RNF150: variants seen among roughly 807,000 people sequenced by gnomAD.
RNF150 encodes the protein ring finger protein 150.
Under a neutral mutation model 39.3 loss-of-function variants are expected in RNF150, and 24 were observed. The ratio of observed to expected loss-of-function variants is 0.61; its 90% CI spans 0.44 to 0.86. The LOEUF (loss-of-function observed/expected upper bound fraction) is 0.86, where lower values mean the gene tolerates loss of function less well. RNF150 is among the 40% of genes least tolerant of loss of function. The probability of loss-of-function intolerance (pLI) is 0.00; values close to 1 mark genes in which losing one functional copy is unlikely to be tolerated. For synonymous variants in RNF150, 255 were observed against 227.3 expected (o/e 1.12, Z -1.10); for missense variants, 502 against 587.8 (o/e 0.85, Z 1.51).
At chr4:140,918,474 G>C (rs1214151811) in intron 5 of RNF150, among the ~76,000 whole-genome samples, 2 of 152,052 alleles carry the variant, frequency 1.3e-5, no homozygotes, top group Admixed American at 1.3e-4. Flanking sequence ...CCCTCCTAAG[G>C]ACTAAACCAG....
chr4:140,930,736 T>C (rs1731595123), intron 4 of RNF150, among the ~76,000 whole-genome samples: 1 of 152,212 alleles, frequency 6.6e-6, no homozygotes, highest in Non-Finnish European at 1.5e-5. Flanking sequence ...TCTTTTCTTG[T>C]TCTCTTCATC....
chr4:140,962,783 A>G (rs1445876530), intron 2 of RNF150, among the ~76,000 whole-genome samples: 1 of 152,026 alleles, frequency 6.6e-6, no homozygotes, highest in Non-Finnish European at 1.5e-5. Flanking sequence ...ACCGTAAGAG[A>G]AAGGTACATT....
chr4:141,015,946 T>G (rs6823670), intron 1 of RNF150, among the ~76,000 whole-genome samples: 30,457 of 151,486 alleles, frequency 0.2, 3,201 homozygotes, highest in Middle Eastern at 0.26. Context: ...GGGGGTGGGG[T>G]GTGTGAAACC....
chr4:141,133,297 C>T lies in RNF150; in HGVS notation c.-489G>A, dbSNP rs1726958179. 6.0e-6 allele frequency: 1 copy of T among 165,482 alleles called. No individual in the cohort carries two copies. The highest frequency in any genetic ancestry group is 1.7e-4 in the South Asian group (1 of 5,896). 10.3% of individuals were successfully genotyped at this position (165,482 alleles called of 1,614,324 possible). On this transcript the variant is annotated 5_prime_UTR_variant, in exon 1 of 7. Coordinates refer to ENST00000515673, the MANE Select transcript of RNF150 (RefSeq NM_020724.2). ...CCACTGAGCGCTGGGGCGCGCGAATCCAGCTGCAGCCGCTGCTGCCCTGCG... is the reference window on the plus strand; with the variant it reads ...CCACTGAGCGCTGGGGCGCGCGAATTCAGCTGCAGCCGCTGCTGCCCTGCG...
intron 1 of RNF150, among the ~76,000 whole-genome samples, chr4:141,113,921 T>TGACC (rs1560745669): frequency 6.6e-6 from 1 of 151,794 alleles, no homozygotes; most frequent in East Asian, 1.9e-4. Context: ...GAATGACTAC[T>TGACC]GGGTAAATAG....
intron 1 of RNF150, among the ~76,000 whole-genome samples, chr4:141,104,782 A>G (rs113299460): frequency 2.2e-4 from 33 of 152,366 alleles, no homozygotes; most frequent in African/African-American, 7.7e-4. Flanking sequence ...AAGATTCTAA[A>G]GTACACCAGT....
At chr4:141,076,687 C>G (rs1161000800) in intron 1 of RNF150, among the ~76,000 whole-genome samples, 1 of 151,898 alleles carries the variant, frequency 6.6e-6, no homozygotes, top group Non-Finnish European at 1.5e-5. Flanking sequence ...AAAATTCTAT[C>G]AAACTGACAT....
intron 2 of RNF150, among the ~76,000 whole-genome samples, chr4:140,952,341 A>T (rs1732573818): frequency 6.6e-6 from 1 of 152,224 alleles, no homozygotes; most frequent in African/African-American, 2.4e-5. Context: ...AAAGCAGGTG[A>T]ACTAGAAATA....
chr4:140,979,047 C>A (rs1733765775), intron 1 of RNF150, among the ~76,000 whole-genome samples: 1 of 151,976 alleles, frequency 6.6e-6, no homozygotes, highest in African/African-American at 2.4e-5. Flanking sequence ...CTTCCAGGAC[C>A]CCCACATATA....
intron 1 of RNF150, among the ~76,000 whole-genome samples, chr4:141,058,833 A>G (rs1357262644): frequency 6.6e-6 from 1 of 152,266 alleles, no homozygotes; most frequent in Non-Finnish European, 1.5e-5. Context: ...CGACTAGATA[A>G]AGTGTCTGGA....
intron 1 of RNF150, among the ~76,000 whole-genome samples, chr4:141,006,048 G>C (rs61327672): frequency 2.4e-5 from 3 of 123,634 alleles, no homozygotes; most frequent in Non-Finnish European, 5.3e-5. Context: ...CAGCCTGGGC[G>C]ACAGAGCGAG....
chr4:140,990,547 T>A (rs1381034862), intron 1 of RNF150, among the ~76,000 whole-genome samples: 1 of 152,210 alleles, frequency 6.6e-6, no homozygotes, highest in Non-Finnish European at 1.5e-5. Flanking sequence ...CTGTGTCTTC[T>A]CATTGTTCAG....
chr4:141,149,649 T>A (rs942003459), intron 1 of RNF150, among the ~76,000 whole-genome samples: 3 of 152,234 alleles, frequency 2.0e-5, no homozygotes, highest in African/African-American at 7.2e-5. Flanking sequence ...TGATGGGCAT[T>A]TGGGCTCATT....
chr4:141,040,119 G>A (rs1368534643), intron 1 of RNF150, among the ~76,000 whole-genome samples: 1 of 151,668 alleles, frequency 6.6e-6, no homozygotes, highest in Non-Finnish European at 1.5e-5. Flanking sequence ...GATCTCTCTC[G>A]ATTTCTATCC....
rs2111141687 is a variant in RNF150 at position 141,151,498 on chromosome 4, G to T, written c.-6+61296C>A. 3.3e-5 allele frequency among the ~76,000 whole-genome samples: 5 copies of T among 149,972 alleles called. No individual in the cohort carries two copies. The South Asian group carries it at 1.1e-3, about 32-fold the overall frequency. On this transcript the variant is annotated intron_variant, in intron 1 of 7. Coordinates refer to the RNF150 transcript ENST00000420921. ...CAAATTTAAGTCAATACTGAGAACT[G>T]TAGGAATGTTTTTCTTTAAAATGGT... is the stretch of plus-strand genomic sequence containing the variant.
intron 1 of RNF150, among the ~76,000 whole-genome samples, chr4:141,027,765 G>T (rs1289198825): frequency 1.3e-5 from 2 of 152,130 alleles, no homozygotes; most frequent in African/African-American, 4.8e-5. Context: ...TGACTGAATG[G>T]TGCAGAGTAG....
chr4:141,005,229 G>C (rs771675619), intron 1 of RNF150, among the ~76,000 whole-genome samples: 1 of 152,126 alleles, frequency 6.6e-6, no homozygotes, highest in Non-Finnish European at 1.5e-5. Context: ...CTAAGTCTGG[G>C]GTGACTTTGA....
At chr4:141,152,742 T>A (rs1446972512) in intron 1 of RNF150, among the ~76,000 whole-genome samples, 1 of 152,200 alleles carries the variant, frequency 6.6e-6, no homozygotes. Context: ...TGCAATCTAT[T>A]TTTTTGTTAG....
At chr4:140,880,123 T>C (rs1262152710) in intron 6 of RNF150, among the ~76,000 whole-genome samples, 1 of 152,182 alleles carries the variant, frequency 6.6e-6, no homozygotes, top group Non-Finnish European at 1.5e-5. Flanking sequence ...AGAATGATGT[T>C]AGCTATAGAC....
Sources: allele counts gnomAD v4.1 joint callset (sites outside exome capture counted in the v4.1 genomes callset), GRCh38; gene constraint gnomAD v4.1.1; transcripts MANE v1.5; gene names NCBI Gene and HGNC (gene_info 2026-07-23, HGNC 2026-07-21).